EXOC3: variants seen among roughly 807,000 people sequenced by gnomAD.
EXOC3 encodes SEC6-like 1.
Under a neutral mutation model 73.7 loss-of-function variants are expected in EXOC3, and 21 were observed. That is an observed-to-expected ratio of 0.29 (90% CI 0.20 to 0.41). The LOEUF (loss-of-function observed/expected upper bound fraction) is 0.41. Among genes scored for constraint, EXOC3 ranks in the 10% least tolerant of loss-of-function variants. The probability of loss-of-function intolerance (pLI) is 1.00; values close to 1 mark genes in which losing one functional copy is unlikely to be tolerated. For synonymous variants in EXOC3, 410 were observed against 389.1 expected (o/e 1.05, Z -0.63); for missense variants, 842 against 985.1 (o/e 0.85, Z 1.95).
Position 457,884 on chromosome 5 carries a change from G to A in EXOC3, c.1165-16G>A. On this transcript the variant is annotated splice_polypyrimidine_tract_variant and intron_variant, in intron 5 of 12. Transcript: ENST00000512944. ...TCTTCTCTCTTCTCTTCTCCATGAT[G>A]CTGAACTTTCTTTAGTCAAACATCA... 1 of 1,597,518 alleles carries A rather than the reference G, an allele frequency of 6.3e-7. No individual in the cohort carries two copies. The highest frequency in any genetic ancestry group is 8.5e-7 in the Non-Finnish European group (1 of 1,171,390).
intron 9 of EXOC3, 119 bp from the exon 10 acceptor site, chr5:464,171 C>G: frequency 1.0e-6 from 1 of 988,480 alleles, no homozygotes; most frequent in Non-Finnish European, 1.5e-6. Context: ...GTGCCTCCCT[C>G]CCACACTGCA....
rs1737547468 is a variant in EXOC3 at position 447,742 on chromosome 5, C to T, written c.354C>T (p.Asn118=). 1.3e-6 allele frequency: 2 copies of T among 1,562,712 alleles called. No individual in the cohort carries two copies. The highest frequency in any genetic ancestry group is 1.4e-5 in the African/African-American group (1 of 73,884). ...CCGCAGCCGTGGAGAACCTCAAGAA[C>T]ATCTTCTCAGGTACCAGCCAGACGC... is the stretch of plus-strand genomic sequence containing the variant. ...QLAAAVENLK[N]IFSVPEIVRE... Residue 118 remains asparagine (N), a synonymous_variant, in exon 3 of 13, where the codon AAC becomes AAT. Coordinates refer to ENST00000512944, the MANE Select transcript of EXOC3 (RefSeq NM_007277.5).
At chr5:455,957 C>T (rs528735150) in intron 4 of EXOC3, among the ~76,000 whole-genome samples, 1 of 152,354 alleles carries the variant, frequency 6.6e-6, no homozygotes, top group South Asian at 2.1e-4. Flanking sequence ...TGTTTCCTGT[C>T]TTCTGGACAG....
chr5:466,697 G>A (rs757597450), intron 12 of EXOC3, 30 bp from the exon 13 acceptor site: 12 of 1,596,474 alleles, frequency 7.5e-6, no homozygotes, highest in Non-Finnish European at 9.4e-6. Context: ...GCTGCTAAGT[G>A]GGCATGGGCT....
chr5:457,862 T>G, intron 5 of EXOC3, 38 bp from the exon 6 acceptor site: 1 of 1,584,140 alleles, frequency 6.3e-7, no homozygotes, highest in Non-Finnish European at 8.6e-7. Context: ...CACCTGCTCT[T>G]CTCTCTTCTC....
intron 1 of EXOC3, among the ~76,000 whole-genome samples, chr5:444,138 C>T (rs767860549): frequency 6.6e-6 from 1 of 152,216 alleles, no homozygotes; most frequent in Non-Finnish European, 1.5e-5. Flanking sequence ...CCCCGCTCGG[C>T]GGAGAGGCTC....
intron 3 of EXOC3, 65 bp from the exon 4 acceptor site, chr5:453,305 C>A (rs1737707701): frequency 1.6e-6 from 2 of 1,285,352 alleles, no homozygotes; most frequent in Admixed American, 2.2e-5. Flanking sequence ...TCCCAGAACA[C>A]CGCATGCAGG....
intron 3 of EXOC3, among the ~76,000 whole-genome samples, chr5:448,604 C>T (rs997794762): frequency 2.6e-5 from 4 of 152,222 alleles, no homozygotes; most frequent in African/African-American, 9.6e-5. Flanking sequence ...CCCCAGCCGT[C>T]ACGTGCCCCA....
At chr5:448,172 C>G (rs544626071) in intron 3 of EXOC3, among the ~76,000 whole-genome samples, 5 of 152,204 alleles carry the variant, frequency 3.3e-5, no homozygotes, top group African/African-American at 1.2e-4. Context: ...AGGGTTGAGG[C>G]GAGCAGCAGC....
intron 4 of EXOC3, among the ~76,000 whole-genome samples, chr5:455,991 T>A (rs562110170): frequency 6.6e-6 from 1 of 152,388 alleles, no homozygotes; most frequent in South Asian, 2.1e-4. Flanking sequence ...GTTTTGCCTG[T>A]TCTTGCGGAT....
At chr5:464,470 C>T in intron 10 of EXOC3, 58 bp downstream of exon 10, 1 of 1,584,054 alleles carries the variant, frequency 6.3e-7, no homozygotes, top group Non-Finnish European at 8.6e-7. Flanking sequence ...ACCTCTCACC[C>T]TGCTCAGAAT....
chr5:466,044 C>G, intron 12 of EXOC3, 199 bp downstream of exon 12: 1 of 464,030 alleles, frequency 2.2e-6, no homozygotes. Context: ...GCCTGGGCTA[C>G]AGTGTGGGTG....
At chr5:462,637 C>T (rs1201002419) in intron 9 of EXOC3, 1 of 279,126 alleles carries the variant, frequency 3.6e-6, no homozygotes, top group Non-Finnish European at 6.8e-6. Context: ...CACATCCTCA[C>T]ATAGATCAGT....
chr5:445,997 C>G (rs780444939), intron 1 of EXOC3, among the ~76,000 whole-genome samples, 153 bp from the exon 2 acceptor site: 1 of 152,180 alleles, frequency 6.6e-6, no homozygotes, highest in Non-Finnish European at 1.5e-5. Context: ...GTTTGTTTAT[C>G]TTATCAAGGA....
intron 2 of EXOC3, 119 bp downstream of exon 2, chr5:446,468 C>T: frequency 2.2e-6 from 2 of 895,754 alleles, no homozygotes; most frequent in Non-Finnish European, 1.7e-6. Flanking sequence ...CAGAGCTGGA[C>T]TTTCTTGAGC....
At chr5:459,580 G>C in intron 7 of EXOC3, 121 bp downstream of exon 7, 1 of 556,850 alleles carries the variant, frequency 1.8e-6, no homozygotes, top group African/African-American at 1.9e-5. Context: ...GATTCCCCAC[G>C]TGTCACTCCT....
In EXOC3 at chr5:462,140, G is replaced by A. The variant is rs765128719; in HGVS notation, c.1503-17G>A. ...CCTGCCCAGCCGCTGTGTTGAACCT[G>A]AACCCTTTCCTTGCAGGGAATCCAT... On this transcript the variant is annotated splice_polypyrimidine_tract_variant and intron_variant, in intron 8 of 12. Transcript: ENST00000512944. 11 of 1,613,436 alleles carry A rather than the reference G, an allele frequency of 6.8e-6. No homozygotes were observed. The highest frequency in any genetic ancestry group is 1.1e-5 in the South Asian group (1 of 91,076).
chr5:464,139 C>T (rs1397430920), intron 9 of EXOC3, 151 bp from the exon 10 acceptor site: 1 of 659,634 alleles, frequency 1.5e-6, no homozygotes, highest in East Asian at 3.0e-5. Flanking sequence ...ACGCAGCTCT[C>T]GTGGGGCGTT....
intron 10 of EXOC3, chr5:464,625 TG>T (rs1355070416): frequency 7.8e-6 from 4 of 515,044 alleles, no homozygotes; most frequent in Non-Finnish European, 1.4e-5. Context: ...GCCCTCGAGG[TG>T]GAGGGAGCCA....
Sources: gnomAD v4.1 joint callset for allele counts (sites outside exome capture counted in the v4.1 genomes callset) on GRCh38, gnomAD v4.1.1 for gene constraint, MANE v1.5 for transcripts, NCBI Gene and HGNC (gene_info 2026-07-23, HGNC 2026-07-21) for gene names.